Variants in GRM3 observed in about 807,000 individuals in gnomAD.
The protein encoded by GRM3 is metabotropic glutamate receptor 3.
GRM3 carries 26 observed loss-of-function variants against 70.5 expected under a neutral mutation model. That is an observed-to-expected ratio of 0.37 (90% confidence interval 0.27 to 0.51). The LOEUF (loss-of-function observed/expected upper bound fraction) is 0.51. GRM3 is among the 20% of genes least tolerant of loss of function. The probability of loss-of-function intolerance (pLI) is 0.93; values close to 1 mark genes in which losing one functional copy is unlikely to be tolerated. For missense variants in GRM3, 859 were observed against 1,123.8 expected (o/e 0.76, Z 3.37); for synonymous variants, 443 against 434.9 (o/e 1.02, Z -0.23).
At chr7:86,827,508 T>G (rs115647655) in intron 3 of GRM3, among the ~76,000 whole-genome samples, 1 of 150,784 alleles carries the variant, frequency 6.6e-6, no homozygotes, top group Non-Finnish European at 1.5e-5. Flanking sequence ...AAAAAACTCA[T>G]ATAAATCACT....
intron 1 of GRM3, among the ~76,000 whole-genome samples, chr7:86,657,293 T>C (rs802440): frequency 0.68 from 102,742 of 152,030 alleles, 35,087 homozygotes; most frequent in East Asian, 0.87. Flanking sequence ...AGATGAGATA[T>C]GTGCATGTGT....
intron 1 of GRM3, among the ~76,000 whole-genome samples, chr7:86,663,624 T>A (rs1370785859): frequency 6.6e-6 from 1 of 151,982 alleles, no homozygotes; most frequent in East Asian, 1.9e-4. Context: ...TTTTTTTTGT[T>A]GTTGTTGGAG....
Position 86,864,306 on chromosome 7 carries a change from C to T in GRM3, c.2591C>T (p.Thr864Met), listed in dbSNP as rs768262279. 10 of 1,601,702 alleles carry T rather than the reference C, an allele frequency of 6.2e-6. No individual in the cohort carries two copies. Among genetic ancestry groups the T allele is most frequent in the Non-Finnish European group, 8.6e-6 (10 of 1,168,858 alleles). ...GCCTCTGCAAGCACGTATGTGCCAA[C>T]GGTGTGCAATGGGCGGGAAGTCCTC... ...SQSSASTYVP[T>M]VCNGREVLDS... The change falls in exon 6 of 6, where the codon ACG (threonine) becomes ATG (methionine). Residue 864 changes from threonine to methionine, a missense_variant. By Grantham distance (81) the Thr-to-Met change is moderately conservative. Transcript: ENST00000361669.
chr7:86,712,550 G>A (rs986264579), intron 1 of GRM3, among the ~76,000 whole-genome samples: 1 of 151,942 alleles, frequency 6.6e-6, no homozygotes. Flanking sequence ...GTAAACTATA[G>A]TTACCCTATA....
At chr7:86,698,520 T>TTATATATATATATATATATATA (rs570784350) in intron 1 of GRM3, among the ~76,000 whole-genome samples, 3 of 142,156 alleles carry the variant, frequency 2.1e-5, no homozygotes, top group African/African-American at 8.0e-5. Context: ...TAAAAAGTAT[T>TTATATATATATATATATATATA]TATATATATA....
At chr7:86,649,591 T>C (rs1793557852) in intron 1 of GRM3, among the ~76,000 whole-genome samples, 1 of 151,978 alleles carries the variant, frequency 6.6e-6, no homozygotes, top group Admixed American at 6.6e-5. Flanking sequence ...ACTGTATAAC[T>C]ACACACACAC....
At chr7:86,668,247 A>G (rs1396412259) in intron 1 of GRM3, among the ~76,000 whole-genome samples, 3 of 149,594 alleles carry the variant, frequency 2.0e-5, no homozygotes, top group Non-Finnish European at 4.4e-5. Flanking sequence ...TCTGGTTTCC[A>G]AGGAACAGGT....
chr7:86,670,253 A>G (rs1312271702), intron 1 of GRM3, among the ~76,000 whole-genome samples: 6 of 152,216 alleles, frequency 3.9e-5, no homozygotes, highest in African/African-American at 1.4e-4. Context: ...CATATTCACA[A>G]AAGAGTTCAT....
intron 5 of GRM3, among the ~76,000 whole-genome samples, chr7:86,854,566 T>C (rs536325510): frequency 2.0e-4 from 31 of 152,310 alleles, no homozygotes; most frequent in African/African-American, 7.5e-4. Flanking sequence ...CCATTAAGAA[T>C]ACCCATGGAT....
In GRM3 at chr7:86,786,499, T is replaced by A. The variant is rs1797249699; in HGVS notation, c.707T>A (p.Leu236Gln). ...GAGGCCTTCGAGCAGGAAGCCCGCC[T>A]GCGCAACATCTGCATCGCTACGGCG... ...GIEAFEQEARLRNICIATAEK... is the reference protein window; with the variant it reads ...GIEAFEQEARQRNICIATAEK... The change falls in exon 3 of 6, where the codon CTG becomes CAG. Residue 236 changes from leucine to glutamine, a missense_variant. By Grantham distance (113) the Leu-to-Gln change is moderately radical. Transcript: ENST00000361669. This position sits in a 1 kb window ranked among gnomAD's most constrained non-coding sequence, Gnocchi z 6.0. 1 of 1,614,226 alleles carries A rather than the reference T, an allele frequency of 6.2e-7. No individual in the cohort carries two copies. Among genetic ancestry groups the A allele is most frequent in the Non-Finnish European group, 8.5e-7 (1 of 1,180,048 alleles).
rs746733086 is a variant in GRM3, at chr7:86,864,387, A to C, written c.*32A>C. On this transcript the variant is annotated 3_prime_UTR_variant, in exon 6 of 6. Coordinates refer to ENST00000361669, the MANE Select transcript of GRM3 (RefSeq NM_000840.3). ...ATTGCAGTTCAGTTCTTGTGTTTTTAGACTGTTAGACAAAAGTGCTCACGT... is the reference window on the plus strand; with the variant it reads ...ATTGCAGTTCAGTTCTTGTGTTTTTCGACTGTTAGACAAAAGTGCTCACGT... 1 of 1,544,334 alleles carries C rather than the reference A, an allele frequency of 6.5e-7. No homozygotes were observed. The highest frequency in any genetic ancestry group is 1.1e-5 in the South Asian group (1 of 89,678).
At chr7:86,732,152 G>A (rs1795749222) in intron 1 of GRM3, among the ~76,000 whole-genome samples, 1 of 152,070 alleles carries the variant, frequency 6.6e-6, no homozygotes, top group Admixed American at 6.5e-5. Context: ...CAAAATATAT[G>A]TATTAAGAGC....
At position 86,786,731 on chromosome 7, in the gene GRM3, C is replaced by A. The variant is rs773395239; in HGVS notation, c.939C>A (p.Ser313Arg). The change falls in exon 3 of 6, where the codon AGC becomes AGA. Residue 313 changes from serine (S) to arginine (R), a missense_variant. Transcript: ENST00000361669. This position sits in a 1 kb window ranked among gnomAD's most constrained non-coding sequence, Gnocchi z 6.0. ...WGAQESIIKG[S>R]EHVAYGAITL... Reference sequence around the variant, plus strand: ...CGCAGGAGAGCATCATCAAGGGCAGCGAGCATGTGGCCTACGGCGCCATCA... The same window carrying A: ...CGCAGGAGAGCATCATCAAGGGCAGAGAGCATGTGGCCTACGGCGCCATCA... The A allele has an allele frequency of 6.2e-7, 1 of 1,613,386 alleles. No individual in the cohort carries two copies. Among genetic ancestry groups the A allele is most frequent in the Non-Finnish European group, 8.5e-7 (1 of 1,180,006 alleles).
intron 3 of GRM3, among the ~76,000 whole-genome samples, chr7:86,798,326 A>G (rs1797604868): frequency 6.6e-6 from 1 of 152,084 alleles, no homozygotes; most frequent in African/African-American, 2.4e-5. Context: ...TGTACCCTAC[A>G]AAGCCAGAGG....
In GRM3 at chr7:86,765,356, G is replaced by A. The variant is rs1017998284; in HGVS notation, c.211G>A (p.Ala71Thr). The A allele has an allele frequency of 6.2e-7, 1 of 1,613,936 alleles. No individual in the cohort carries two copies. Among genetic ancestry groups the A allele is most frequent in the African/African-American group, 1.3e-5 (1 of 75,018 alleles). The change falls in exon 2 of 6, where the codon GCC (alanine) becomes ACC (threonine). Residue 71 changes from alanine (A) to threonine (T), a missense_variant. By Grantham distance (58) the Ala-to-Thr change is moderately conservative. Coordinates refer to ENST00000361669, the MANE Select transcript of GRM3 (RefSeq NM_000840.3). Reference sequence around the variant, plus strand: ...AGACCGAGGGATTCAACGCCTGGAAGCCATGTTGTTTGCTATTGATGAAAT... The same window carrying A: ...AGACCGAGGGATTCAACGCCTGGAAACCATGTTGTTTGCTATTGATGAAAT... ...NEDRGIQRLE[A>T]MLFAIDEINK...
chr7:86,800,823 G>C (rs1052816370), intron 3 of GRM3, among the ~76,000 whole-genome samples: 3 of 152,168 alleles, frequency 2.0e-5, no homozygotes, highest in Non-Finnish European at 4.4e-5. Flanking sequence ...AAACCTGGCA[G>C]AGATACAGCA....
chr7:86,655,386 A>C (rs866091717), intron 1 of GRM3, among the ~76,000 whole-genome samples: 35 of 152,208 alleles, frequency 2.3e-4, no homozygotes, highest in African/African-American at 8.0e-4. Flanking sequence ...TTGCTTTGGC[A>C]TAAGTAACAG....
At chr7:86,734,862 A>AT (rs1187767139) in intron 1 of GRM3, among the ~76,000 whole-genome samples, 1 of 151,994 alleles carries the variant, frequency 6.6e-6, no homozygotes, top group African/African-American at 2.4e-5. Flanking sequence ...TGAAGTCACA[A>AT]TTTTTTCTTT....
At chr7:86,694,297 G>A (rs753737375) in intron 1 of GRM3, among the ~76,000 whole-genome samples, 2 of 151,774 alleles carry the variant, frequency 1.3e-5, no homozygotes, top group African/African-American at 2.4e-5. Context: ...AGGCCGAGGC[G>A]GGCAGATCAC....
Sources: allele counts gnomAD v4.1 joint callset (sites outside exome capture counted in the v4.1 genomes callset), GRCh38; gene constraint gnomAD v4.1.1; non-coding constraint Gnocchi (gnomAD v3.1); transcripts MANE v1.5; gene names NCBI Gene and HGNC (gene_info 2026-07-23, HGNC 2026-07-21).